The following ZNF565 variants were observed in gnomAD, a reference collection of about 807,000 sequenced individuals.
The protein encoded by ZNF565 is zinc finger protein 565.
Under a neutral mutation model 39.4 loss-of-function variants are expected in ZNF565, and 27 were observed. The ratio of observed to expected loss-of-function variants is 0.69; its 90% confidence interval spans 0.51 to 0.95. The LOEUF is 0.95. Ranked by LOEUF, ZNF565 falls within the 40% of genes least tolerant of loss-of-function variation. The pLI is 0.00. For synonymous variants in ZNF565, 185 were observed against 216.6 expected, an observed-to-expected ratio of 0.85 and a Z score of 1.28; for missense variants, 524 against 621.1, an observed-to-expected ratio of 0.84 and a Z score of 1.66.
rs539267241 is a variant in ZNF565 at position 36,235,096 on chromosome 19, T to TTACTCAG, written c.55+10373_55+10379dup. ...TGGTGGTGCACACCTGTAATCCCAG[T>TTACTCAG]TACTCAGGAGGCTGAGGCTAGAGAA... On this transcript the variant is annotated intron_variant, in intron 1 of 4. Transcript: ENST00000355114. 7.3e-3 allele frequency among the ~76,000 whole-genome samples: 1,114 copies of TTACTCAG among 152,078 alleles called. 7 individuals are homozygous for TTACTCAG. Among genetic ancestry groups the TTACTCAG allele is most frequent in the Middle Eastern group, 0.014 (4 of 294 alleles).
At chr19:36,227,390 A>G (rs1468286169) in intron 1 of ZNF565, among the ~76,000 whole-genome samples, 1 of 64,496 alleles carries the variant, frequency 1.6e-5, no homozygotes, top group African/African-American at 5.5e-5. Context: ...TCTCTGTCAC[A>G]AAAAAAAAAA....
At chr19:36,209,638 A>G (rs1976281877) in intron 1 of ZNF565, among the ~76,000 whole-genome samples, 2 of 152,232 alleles carry the variant, frequency 1.3e-5, no homozygotes, top group Admixed American at 6.5e-5. Context: ...ACATACTCAG[A>G]AAAATCATTA....
chr19:36,199,506 C>CTTTTTTTTTTTTTTT (rs1183093969), intron 2 of ZNF565, among the ~76,000 whole-genome samples: 1 of 128,954 alleles, frequency 7.8e-6, no homozygotes, highest in African/African-American at 2.8e-5. Context: ...CTTTCTTTCT[C>CTTTTTTTTTTTTTTT]TTTTTTTTTT....
At chr19:36,200,911 A>G (rs1455979617) in intron 2 of ZNF565, among the ~76,000 whole-genome samples, 2 of 151,992 alleles carry the variant, frequency 1.3e-5, no homozygotes, top group Non-Finnish European at 2.9e-5. Context: ...CAGCCTCTCA[A>G]GTAGCTGCGA....
At chr19:36,237,310 TACTC>T in intron 1 of ZNF565, 1 of 1,602,724 alleles carries the variant, frequency 6.2e-7, no homozygotes, top group Non-Finnish European at 8.5e-7. Flanking sequence ...AGAAAATTCA[TACTC>T]ACTAAAAACC....
At chr19:36,185,831 T>G (rs1752186068) in intron 4 of ZNF565, among the ~76,000 whole-genome samples, 1 of 150,438 alleles carries the variant, frequency 6.6e-6, no homozygotes, top group Admixed American at 6.7e-5. Flanking sequence ...GTAGCTGGGA[T>G]TATAGGTGCC....
intron 1 of ZNF565, among the ~76,000 whole-genome samples, chr19:36,211,422 C>T (rs1249956844): frequency 6.9e-6 from 1 of 143,964 alleles, no homozygotes; most frequent in Non-Finnish European, 1.5e-5. Context: ...CCAGCCTGGG[C>T]AACAAGAGCC....
chr19:36,242,508 C>G (rs1309470611), intron 1 of ZNF565, among the ~76,000 whole-genome samples: 1 of 152,104 alleles, frequency 6.6e-6, no homozygotes, highest in Non-Finnish European at 1.5e-5. Flanking sequence ...GTGGGTGGAT[C>G]ACGAGATCAA....
upstream of ZNF565, among the ~76,000 whole-genome samples, chr19:36,216,439 G>A (rs1240425437): frequency 1.3e-5 from 2 of 151,982 alleles, no homozygotes; most frequent in Non-Finnish European, 2.9e-5. Context: ...TCAGGAGTTC[G>A]AGAGGAGCCT....
At chr19:36,233,335 G>A (rs960575715) in intron 1 of ZNF565, among the ~76,000 whole-genome samples, 4 of 152,160 alleles carry the variant, frequency 2.6e-5, no homozygotes, top group African/African-American at 7.2e-5. Flanking sequence ...AGTCGAGATC[G>A]CACCACTGCA....
chr19:36,182,236 TA>T (rs1052724663), downstream of ZNF565: 3 of 355,276 alleles, frequency 8.4e-6, no homozygotes, highest in African/African-American at 4.3e-5. Context: ...AGCTTTTCTA[TA>T]TTCATTTTTT....
chr19:36,232,818 C>T (rs1977445490), intron 1 of ZNF565, among the ~76,000 whole-genome samples: 1 of 152,028 alleles, frequency 6.6e-6, no homozygotes, highest in African/African-American at 2.4e-5. Context: ...CCATGTTGGC[C>T]AGGCTTGTCT....
At chr19:36,229,304 C>T (rs533868290) in intron 1 of ZNF565, among the ~76,000 whole-genome samples, 4 of 152,328 alleles carry the variant, frequency 2.6e-5, no homozygotes. Flanking sequence ...GACTCCTCTG[C>T]CTACCTTTCT....
intron 4 of ZNF565, among the ~76,000 whole-genome samples, chr19:36,190,684 G>C (rs979331530): frequency 6.6e-6 from 1 of 151,678 alleles, no homozygotes; most frequent in Non-Finnish European, 1.5e-5. Context: ...AAGGGTCCTT[G>C]GAAGTGAAAG....
At chr19:36,192,002 C>CAG (rs1975565853) in intron 4 of ZNF565, among the ~76,000 whole-genome samples, 2 of 151,188 alleles carry the variant, frequency 1.3e-5, no homozygotes, top group African/African-American at 2.4e-5. Flanking sequence ...TGAACAGCAC[C>CAG]TATCTTTTTT....
intron 4 of ZNF565, 41 bp from the exon 5 acceptor site, chr19:36,183,774 C>T (rs1257010698): frequency 3.9e-6 from 6 of 1,542,254 alleles, no homozygotes; most frequent in Non-Finnish European, 5.2e-6. Flanking sequence ...TGTGATCCTT[C>T]TCTATGAGAA....
chr19:36,196,954 G>C (rs1242383800), intron 2 of ZNF565, among the ~76,000 whole-genome samples: 1 of 152,104 alleles, frequency 6.6e-6, no homozygotes, highest in African/African-American at 2.4e-5. Flanking sequence ...TACTTGAGGG[G>C]CTGAGGCAGG....
intron 1 of ZNF565, among the ~76,000 whole-genome samples, chr19:36,223,489 A>G (rs1452475202): frequency 5.9e-5 from 9 of 151,870 alleles, no homozygotes; most frequent in Admixed American, 1.3e-4. Context: ...CAGCCTCCCA[A>G]GTAGCTGGGA....
At chr19:36,243,358 A>G (rs775406812) in intron 1 of ZNF565, among the ~76,000 whole-genome samples, 11 of 152,280 alleles carry the variant, frequency 7.2e-5, no homozygotes, top group Middle Eastern at 6.8e-3. Context: ...TCAAATCCTC[A>G]GGGAAGGCAG....
Sources: allele counts gnomAD v4.1 joint callset (sites outside exome capture counted in the v4.1 genomes callset), GRCh38; gene constraint gnomAD v4.1.1; transcripts MANE v1.5; gene names NCBI Gene and HGNC (gene_info 2026-07-23, HGNC 2026-07-21).